The following CCSER1 variants were observed in gnomAD, a reference collection of about 807,000 sequenced individuals.
CCSER1 encodes the protein serine-rich coiled-coil domain-containing protein 1.
In CCSER1, 41 loss-of-function variants were observed where a neutral mutation model predicts 82.0. The observed-to-expected ratio is 0.50, with a 90% CI of 0.39 to 0.65. The LOEUF (loss-of-function observed/expected upper bound fraction) is 0.65, where lower values mean the gene tolerates loss of function less well. Ranked by LOEUF, CCSER1 falls within the 30% of genes least tolerant of loss-of-function variation. CCSER1 has a pLI of 0.00. For synonymous variants in CCSER1, 414 were observed against 383.9 expected (o/e 1.08, Z -0.92); for missense variants, 1,119 against 1,064.2 (o/e 1.05, Z -0.72).
chr4:91,009,279 T>A (rs1232930877), intron 9 of CCSER1, among the ~76,000 whole-genome samples: 1 of 152,238 alleles, frequency 6.6e-6, no homozygotes, highest in African/African-American at 2.4e-5. Flanking sequence ...TAGCCGTTGC[T>A]GGCTCGAATG....
intron 8 of CCSER1, among the ~76,000 whole-genome samples, chr4:90,879,994 A>G (rs1721052932): frequency 6.6e-6 from 1 of 152,288 alleles, no homozygotes; most frequent in African/African-American, 2.4e-5. Flanking sequence ...GTATGCTAGC[A>G]AAGTATTTTT....
chr4:91,308,674 G>A (rs1490528300), intron 10 of CCSER1, among the ~76,000 whole-genome samples: 3 of 151,966 alleles, frequency 2.0e-5, no homozygotes, highest in Non-Finnish European at 1.5e-5. Context: ...TAAACAAAAA[G>A]TTTGGGAATT....
At chr4:91,086,336 T>C (rs1723392328) in intron 10 of CCSER1, among the ~76,000 whole-genome samples, 1 of 152,092 alleles carries the variant, frequency 6.6e-6, no homozygotes, top group Admixed American at 6.6e-5. Flanking sequence ...ACTGAGAAGT[T>C]AACAAAATTC....
At chr4:91,149,019 C>A (rs948015460) in intron 10 of CCSER1, among the ~76,000 whole-genome samples, 1 of 67,658 alleles carries the variant, frequency 1.5e-5, no homozygotes, top group Admixed American at 1.3e-4. Context: ...ATGGCTGGGT[C>A]AAATATTTCT....
chr4:90,648,991 C>G (rs1388519502), intron 6 of CCSER1, among the ~76,000 whole-genome samples: 1 of 152,176 alleles, frequency 6.6e-6, no homozygotes, highest in Non-Finnish European at 1.5e-5. Context: ...ACACATTCAT[C>G]TATGTGCATG....
intron 10 of CCSER1, among the ~76,000 whole-genome samples, chr4:91,374,536 A>G (rs1270743742): frequency 1.3e-5 from 2 of 152,230 alleles, no homozygotes; most frequent in East Asian, 3.8e-4. Flanking sequence ...CACAGCAAAC[A>G]AGATTCCTTT....
chr4:90,704,170 T>A (rs534241580), intron 6 of CCSER1, among the ~76,000 whole-genome samples: 2 of 152,326 alleles, frequency 1.3e-5, no homozygotes, highest in South Asian at 4.1e-4. Flanking sequence ...GCAGGCCTGG[T>A]GATGACAAAA....
At chr4:90,685,163 G>T (rs1025462587) in intron 6 of CCSER1, among the ~76,000 whole-genome samples, 1 of 152,054 alleles carries the variant, frequency 6.6e-6, no homozygotes, top group Non-Finnish European at 1.5e-5. Context: ...AACAATCTGT[G>T]GCTAGTCATA....
At chr4:90,836,543 C>T (rs1398304605) in intron 8 of CCSER1, among the ~76,000 whole-genome samples, 2 of 152,144 alleles carry the variant, frequency 1.3e-5, no homozygotes, top group African/African-American at 4.8e-5. Context: ...GGTGAATTTA[C>T]TATGAAAATA....
intron 10 of CCSER1, among the ~76,000 whole-genome samples, chr4:91,401,589 C>T (rs1250871669): frequency 1.3e-5 from 2 of 151,922 alleles, no homozygotes; most frequent in South Asian, 2.1e-4. Flanking sequence ...TGATGTTCCC[C>T]ACCATGTGTC....
chr4:90,475,824 C>T (rs2153593785), intron 5 of CCSER1, among the ~76,000 whole-genome samples: 1 of 152,250 alleles, frequency 6.6e-6, no homozygotes, highest in East Asian at 1.9e-4. Flanking sequence ...CACTTGTGGG[C>T]CAATTTGCTA....
At chr4:90,186,661 A>C (rs1220579365) in intron 1 of CCSER1, among the ~76,000 whole-genome samples, 1 of 151,972 alleles carries the variant, frequency 6.6e-6, no homozygotes, top group Non-Finnish European at 1.5e-5. Context: ...TAGAAATGTG[A>C]TTTCTTAACA....
chr4:90,205,602 T>A (rs1738648476), intron 1 of CCSER1, among the ~76,000 whole-genome samples: 3 of 152,182 alleles, frequency 2.0e-5, no homozygotes, highest in Admixed American at 6.5e-5. Flanking sequence ...AGTTTGCCAA[T>A]ATTTTATTGA....
At chr4:90,703,234 A>C (rs1370991702) in intron 6 of CCSER1, among the ~76,000 whole-genome samples, 1 of 152,194 alleles carries the variant, frequency 6.6e-6, no homozygotes, top group Non-Finnish European at 1.5e-5. Flanking sequence ...TTATGTACCC[A>C]GTAGTTGTTC....
chr4:91,006,492 C>CT (rs567997060), intron 9 of CCSER1, among the ~76,000 whole-genome samples: 120 of 143,746 alleles, frequency 8.3e-4, no homozygotes, highest in Middle Eastern at 3.7e-3. Context: ...TTCTTTTTTT[C>CT]TTTTTTTTTT....
At chr4:91,468,557 G>GT (rs998384570) in intron 10 of CCSER1, among the ~76,000 whole-genome samples, 39 of 151,308 alleles carry the variant, frequency 2.6e-4, no homozygotes, top group East Asian at 1.4e-3. Flanking sequence ...CATAGGAATA[G>GT]TTTTTTTTGA....
At chr4:90,697,756 G>T (rs1042733813) in intron 6 of CCSER1, among the ~76,000 whole-genome samples, 1 of 152,076 alleles carries the variant, frequency 6.6e-6, no homozygotes, top group African/African-American at 2.4e-5. Context: ...CAATTGATTT[G>T]CAGGTATTTT....
rs146442973 is a variant in CCSER1 at position 90,971,385 on chromosome 4, G to A, written c.2172+47938G>A. Reference sequence around the variant, plus strand: ...GAACTCACTCACTATCACAAGAATAGCAAGGGAGAAATCCACCCCCATGGT... The same window carrying A: ...GAACTCACTCACTATCACAAGAATAACAAGGGAGAAATCCACCCCCATGGT... On this transcript the variant is annotated intron_variant, in intron 9 of 10. Transcript: ENST00000509176. 5.5e-3 allele frequency among the ~76,000 whole-genome samples: 832 copies of A among 151,976 alleles called. 11 individuals are homozygous for A. The highest frequency in any genetic ancestry group is 0.019 in the African/African-American group (792 of 41,410).
intron 7 of CCSER1, among the ~76,000 whole-genome samples, chr4:90,763,561 C>T (rs1276450183): frequency 6.6e-6 from 1 of 152,044 alleles, no homozygotes; most frequent in African/African-American, 2.4e-5. Context: ...ACAATGTATC[C>T]ATTGGAAAGT....
Sources: gnomAD v4.1 joint callset for allele counts (sites outside exome capture counted in the v4.1 genomes callset) on GRCh38, gnomAD v4.1.1 for gene constraint, MANE v1.5 for transcripts, NCBI Gene and HGNC (gene_info 2026-07-23, HGNC 2026-07-21) for gene names.